CHCHD3: variants seen among roughly 807,000 people sequenced by gnomAD.
CHCHD3 encodes the protein coiled-coil-helix-coiled-coil-helix domain containing 3, also known as MICOS complex subunit MIC19.
CHCHD3 carries 20 observed loss-of-function variants against 38.2 expected under a neutral mutation model. That is an observed-to-expected ratio of 0.52 (90% CI 0.37 to 0.76). The LOEUF (loss-of-function observed/expected upper bound fraction) is 0.76. CHCHD3 is among the 30% of genes least tolerant of loss of function. CHCHD3 has a pLI of 0.00. For synonymous variants in CHCHD3, 82 were observed against 100.0 expected (o/e 0.82, Z 1.07); for missense variants, 245 against 279.2 (o/e 0.88, Z 0.87).
intron 2 of CHCHD3, among the ~76,000 whole-genome samples, chr7:133,028,376 T>A (rs1813403407): frequency 1.3e-5 from 2 of 152,166 alleles, no homozygotes; most frequent in Non-Finnish European, 2.9e-5. Flanking sequence ...TAAAATTGTA[T>A]CACATCTTTC....
rs748303698 is a variant in CHCHD3 at position 133,035,018 on chromosome 7, G to T, written c.170-10391C>A. 12 of 1,612,372 alleles carry T rather than the reference G, an allele frequency of 7.4e-6. 1 individual carries two copies. In the East Asian group the frequency reaches 2.5e-4, roughly 33 times the overall value. On this transcript the variant is annotated intron_variant, in intron 2 of 7. Coordinates refer to ENST00000262570, the MANE Select transcript of CHCHD3 (RefSeq NM_017812.4). This position sits in a 1 kb window ranked among gnomAD's most constrained non-coding sequence, Gnocchi z 4.7. ...AATATGGCAGTGCCACAGAGAGTGT[G>T]TCCTCATTGGAGTACTTGCGCTTAA...
At chr7:132,982,465 A>G (rs1234089480) in intron 3 of CHCHD3, among the ~76,000 whole-genome samples, 1 of 152,232 alleles carries the variant, frequency 6.6e-6, no homozygotes, top group East Asian at 1.9e-4. Flanking sequence ...TTGTATTTTT[A>G]GTAAAGACAA....
chr7:132,953,987 T>G (rs1247512777), intron 4 of CHCHD3, among the ~76,000 whole-genome samples: 1 of 152,210 alleles, frequency 6.6e-6, no homozygotes. Context: ...TGTGATCATT[T>G]CTGTGTTAGG....
intron 5 of CHCHD3, among the ~76,000 whole-genome samples, chr7:132,863,536 T>C (rs1808543785): frequency 6.6e-6 from 1 of 152,196 alleles, no homozygotes; most frequent in African/African-American, 2.4e-5. Context: ...TGGCTTCAAC[T>C]TCAAGTCATC....
intron 4 of CHCHD3, among the ~76,000 whole-genome samples, chr7:132,943,218 C>T (rs184973411): frequency 1.3e-5 from 2 of 152,140 alleles, no homozygotes; most frequent in East Asian, 1.9e-4. Context: ...ATTTAAAATG[C>T]TTAATGAAAA....
At chr7:132,877,982 C>T (rs963291378) in intron 5 of CHCHD3, among the ~76,000 whole-genome samples, 2 of 151,964 alleles carry the variant, frequency 1.3e-5, no homozygotes, top group Non-Finnish European at 2.9e-5. Flanking sequence ...AAATCATTGG[C>T]AACTGTTTAG....
intron 6 of CHCHD3, among the ~76,000 whole-genome samples, chr7:132,798,864 T>A (rs1003674261): frequency 6.6e-6 from 1 of 152,194 alleles, no homozygotes; most frequent in Admixed American, 6.5e-5. Context: ...TAGATAAGCA[T>A]GTATCCTGGG....
In CHCHD3 at chr7:132,912,153, C is replaced by A. The variant is rs1809968724; in HGVS notation, c.370-26408G>T. Among the ~76,000 whole-genome samples the A allele has an allele frequency of 3.3e-5, 5 of 152,184 alleles. No homozygotes were observed. In the South Asian group the frequency reaches 1.0e-3, roughly 32 times the overall value. On this transcript the variant is annotated intron_variant, in intron 4 of 7. Coordinates refer to ENST00000262570, the MANE Select transcript of CHCHD3 (RefSeq NM_017812.4). Reference sequence around the variant, plus strand: ...TATATAGGCCACCATTTAATACCTACTGCTATTCACTTGATATTTTTCTTT... The same window carrying A: ...TATATAGGCCACCATTTAATACCTAATGCTATTCACTTGATATTTTTCTTT...
At chr7:132,868,901 C>T (rs887674752) in intron 5 of CHCHD3, among the ~76,000 whole-genome samples, 3 of 152,122 alleles carry the variant, frequency 2.0e-5, no homozygotes, top group Non-Finnish European at 4.4e-5. Flanking sequence ...TGGTGACCCA[C>T]CCTCACCCAA....
At chr7:132,857,198 TCTAAAAGGAGCTAGGAAGAGAGGC>T (rs1808362369) in intron 5 of CHCHD3, among the ~76,000 whole-genome samples, 1 of 152,216 alleles carries the variant, frequency 6.6e-6, no homozygotes, top group South Asian at 2.1e-4. Context: ...AAGATCCATT[TCTAAAAGGAGCTAGGAAGAGAGGC>T]TGTCTTATTA....
chr7:133,069,261 G>C (rs1562953571), intron 2 of CHCHD3, among the ~76,000 whole-genome samples: 1 of 126,510 alleles, frequency 7.9e-6, no homozygotes, highest in Non-Finnish European at 1.6e-5. Context: ...TCCTCTAAAC[G>C]TATCAGAAGC....
chr7:132,955,058 C>A (rs567652675), intron 4 of CHCHD3, among the ~76,000 whole-genome samples: 103 of 152,156 alleles, frequency 6.8e-4, no homozygotes, highest in African/African-American at 2.4e-3. Context: ...CAGCGTAGGC[C>A]CTTCTCTAAA....
chr7:133,034,508 CTTTTTT>C (rs146912120), intron 2 of CHCHD3: 6 of 283,200 alleles, frequency 2.1e-5, no homozygotes, highest in Admixed American at 7.5e-5. Flanking sequence ...TGGATCCAGT[CTTTTTT>C]TTTTTTTTTT....
At chr7:133,027,404 A>AG (rs1813374808) in intron 2 of CHCHD3, among the ~76,000 whole-genome samples, 1 of 128,182 alleles carries the variant, frequency 7.8e-6, no homozygotes, top group Admixed American at 8.1e-5. Flanking sequence ...AGAGAGGGAG[A>AG]AAGAAAGAAA....
At chr7:132,839,056 G>A (rs975814445) in intron 5 of CHCHD3, among the ~76,000 whole-genome samples, 1 of 152,038 alleles carries the variant, frequency 6.6e-6, no homozygotes, top group Non-Finnish European at 1.5e-5. Context: ...GCTGGGCATG[G>A]TGGCACATGC....
intron 3 of CHCHD3, among the ~76,000 whole-genome samples, chr7:133,014,333 A>C (rs1490140423): frequency 1.3e-5 from 2 of 151,972 alleles, no homozygotes; most frequent in Non-Finnish European, 2.9e-5. Flanking sequence ...ATAACTCAAA[A>C]AAAAAAAAAA....
intron 4 of CHCHD3, among the ~76,000 whole-genome samples, chr7:132,894,059 T>C (rs926553077): frequency 6.6e-6 from 1 of 151,938 alleles, no homozygotes; most frequent in Non-Finnish European, 1.5e-5. Context: ...AGACAGGAGG[T>C]TGTTGGAGTA....
At chr7:133,021,741 T>C (rs1813183738) in intron 3 of CHCHD3, among the ~76,000 whole-genome samples, 1 of 152,210 alleles carries the variant, frequency 6.6e-6, no homozygotes. Flanking sequence ...GTTACAACTG[T>C]GTCATGGGAT....
At chr7:132,990,786 T>A (rs1812257650) in intron 3 of CHCHD3, among the ~76,000 whole-genome samples, 1 of 152,152 alleles carries the variant, frequency 6.6e-6, no homozygotes, top group Non-Finnish European at 1.5e-5. Flanking sequence ...TTGTAAGCCC[T>A]ATGGAGGAAA....
Sources: allele counts gnomAD v4.1 joint callset (sites outside exome capture counted in the v4.1 genomes callset), GRCh38; gene constraint gnomAD v4.1.1; non-coding constraint Gnocchi (gnomAD v3.1); transcripts MANE v1.5; gene names NCBI Gene and HGNC (gene_info 2026-07-23, HGNC 2026-07-21).